The following CNTN3 variants were observed in gnomAD, a reference collection of about 807,000 sequenced individuals.
The protein encoded by CNTN3 is contactin-3.
Under a neutral mutation model 119.1 loss-of-function variants are expected in CNTN3, and 60 were observed. That is an observed-to-expected ratio of 0.50 (90% CI 0.41 to 0.62). The LOEUF is 0.62. Among genes scored for constraint, CNTN3 ranks in the 20% least tolerant of loss-of-function variants. The pLI, the probability that CNTN3 is intolerant of heterozygous loss-of-function variation, is 0.00. For synonymous variants in CNTN3, 450 were observed against 438.7 expected, an observed-to-expected ratio of 1.03 and a Z score of -0.32; for missense variants, 1,101 against 1,242.4, an observed-to-expected ratio of 0.89 and a Z score of 1.71.
intron 5 of CNTN3, among the ~76,000 whole-genome samples, chr3:74,404,241 G>T (rs1369053140): frequency 6.6e-6 from 1 of 152,064 alleles, no homozygotes; most frequent in East Asian, 1.9e-4. Flanking sequence ...AGTGCCAAGA[G>T]ATCAGGAATT....
chr3:74,431,105 T>C (rs1559598130), intron 4 of CNTN3, among the ~76,000 whole-genome samples: 1 of 152,192 alleles, frequency 6.6e-6, no homozygotes, highest in Non-Finnish European at 1.5e-5. Context: ...TATAAAAGTC[T>C]TCACTTTGAT....
chr3:74,453,705 G>A (rs1201395536), intron 4 of CNTN3, among the ~76,000 whole-genome samples: 1 of 150,126 alleles, frequency 6.7e-6, no homozygotes, highest in African/African-American at 2.5e-5. Context: ...CAGAGATTCT[G>A]GTATGTTGTG....
chr3:74,515,208 A>T (rs1271864681), intron 2 of CNTN3, among the ~76,000 whole-genome samples: 1 of 152,058 alleles, frequency 6.6e-6, no homozygotes, highest in Non-Finnish European at 1.5e-5. Flanking sequence ...ACTCAGAGGA[A>T]ACAGAACATA....
At chr3:74,529,383 C>T (rs562381608) in intron 1 of CNTN3, among the ~76,000 whole-genome samples, 3 of 151,992 alleles carry the variant, frequency 2.0e-5, no homozygotes, top group South Asian at 2.1e-4. Context: ...TGTTTAGAAA[C>T]TTTACCAACT....
At chr3:74,600,512 T>A (rs977684761) in intron 1 of CNTN3, among the ~76,000 whole-genome samples, 36 of 152,128 alleles carry the variant, frequency 2.4e-4, no homozygotes, top group Non-Finnish European at 3.8e-4. Flanking sequence ...ATGAATCTTT[T>A]TAGTCTCACT....
intron 4 of CNTN3, among the ~76,000 whole-genome samples, chr3:74,431,304 A>G (rs185096773): frequency 1.3e-5 from 2 of 152,118 alleles, no homozygotes; most frequent in Admixed American, 1.3e-4. Flanking sequence ...TCCCCTTCCT[A>G]CATATTGTTG....
At chr3:74,499,927 T>C (rs1034526404) in intron 2 of CNTN3, 142 bp from the exon 3 acceptor site, 3 of 726,592 alleles carry the variant, frequency 4.1e-6, no homozygotes, top group African/African-American at 3.6e-5. Context: ...CTGTAGACAT[T>C]GTTTTGTTAA....
intron 4 of CNTN3, among the ~76,000 whole-genome samples, chr3:74,467,506 TTAAA>T: frequency 6.6e-6 from 1 of 152,104 alleles, no homozygotes; most frequent in Non-Finnish European, 1.5e-5. Context: ...CAGGACTCAA[TTAAA>T]TAGATGCTCA....
intron 4 of CNTN3, among the ~76,000 whole-genome samples, chr3:74,439,797 T>C (rs1166720564): frequency 2.0e-5 from 3 of 152,120 alleles, no homozygotes; most frequent in Admixed American, 2.0e-4. Context: ...AATTTGAAAG[T>C]CGTATTTAGG....
intron 4 of CNTN3, among the ~76,000 whole-genome samples, chr3:74,460,357 A>G (rs961327210): frequency 1.3e-5 from 2 of 152,022 alleles, no homozygotes; most frequent in East Asian, 1.9e-4. Context: ...TTAAAACTAC[A>G]TATCAATTTG....
In CNTN3 at chr3:74,267,367, G is replaced by A; in HGVS notation, c.2716C>T (p.Pro906Ser). The change falls in exon 21 of 23, where the codon CCA becomes TCA. Residue 906 changes from proline (P) to serine (S), a missense_variant. Physicochemically the swap from Pro to Ser is moderately conservative, Grantham distance 74 (BLOSUM62 -1). Coordinates refer to ENST00000263665, the MANE Select transcript of CNTN3 (RefSeq NM_020872.3). ...VTTKKTPPSQ[P>S]PGNVVWNATD... ...GCATTCCAAACAACATTTCCTGGTGGCTGACTGGGAGCTTGAAATGCAAAA... is the reference window on the plus strand; with the variant it reads ...GCATTCCAAACAACATTTCCTGGTGACTGACTGGGAGCTTGAAATGCAAAA... 1.2e-6 allele frequency: 2 copies of A among 1,610,974 alleles called. No individual in the cohort carries two copies. Among genetic ancestry groups the A allele is most frequent in the Non-Finnish European group, 1.7e-6 (2 of 1,177,478 alleles).
At chr3:74,515,198 A>G (rs1575800386) in intron 2 of CNTN3, among the ~76,000 whole-genome samples, 1 of 152,148 alleles carries the variant, frequency 6.6e-6, no homozygotes, top group South Asian at 2.1e-4. Context: ...AATTTTTAAA[A>G]CTCAGAGGAA....
At chr3:74,374,053 C>T (rs890572662) in intron 5 of CNTN3, among the ~76,000 whole-genome samples, 9 of 152,114 alleles carry the variant, frequency 5.9e-5, no homozygotes, top group African/African-American at 2.2e-4. Context: ...TAGTACTGAA[C>T]TGAATGGAGG....
At chr3:74,474,377 G>A (rs539036420) in intron 4 of CNTN3, among the ~76,000 whole-genome samples, 1 of 152,178 alleles carries the variant, frequency 6.6e-6, no homozygotes, top group Non-Finnish European at 1.5e-5. Context: ...ATAAGCTTGA[G>A]ATGTCTACTG....
intron 12 of CNTN3, among the ~76,000 whole-genome samples, chr3:74,335,600 C>T (rs1703374109): frequency 6.6e-6 from 1 of 152,098 alleles, no homozygotes; most frequent in East Asian, 1.9e-4. Flanking sequence ...TACAATTATG[C>T]TAGTCAATTC....
At chr3:74,508,440 G>A (rs917104423) in intron 2 of CNTN3, among the ~76,000 whole-genome samples, 7 of 152,034 alleles carry the variant, frequency 4.6e-5, no homozygotes, top group African/African-American at 4.8e-5. Flanking sequence ...TATGGGGTGC[G>A]GAGATTGGGG....
chr3:74,539,145 A>G (rs964131619), intron 1 of CNTN3, among the ~76,000 whole-genome samples: 1 of 152,164 alleles, frequency 6.6e-6, no homozygotes, highest in Admixed American at 6.5e-5. Flanking sequence ...CTGATCATCA[A>G]TAAACACATA....
chr3:74,371,886 G>A (rs1214202775), intron 5 of CNTN3, among the ~76,000 whole-genome samples: 2 of 152,078 alleles, frequency 1.3e-5, no homozygotes, highest in African/African-American at 4.8e-5. Context: ...TTTTGTCCCT[G>A]AGTCTTTTGC....
intron 5 of CNTN3, among the ~76,000 whole-genome samples, chr3:74,397,814 A>G (rs973803737): frequency 6.6e-6 from 1 of 152,230 alleles, no homozygotes. Flanking sequence ...CAAAACATCA[A>G]CATTAACAGG....
Sources: gnomAD v4.1 joint callset for allele counts (sites outside exome capture counted in the v4.1 genomes callset) on GRCh38, gnomAD v4.1.1 for gene constraint, MANE v1.5 for transcripts, NCBI Gene and HGNC (gene_info 2026-07-23, HGNC 2026-07-21) for gene names.